The following RGS6 variants were observed in gnomAD, a reference collection of about 807,000 sequenced individuals.
The protein encoded by RGS6 is regulator of G-protein signaling 6.
In RGS6, 30 loss-of-function variants were observed where a neutral mutation model predicts 78.5. That is an observed-to-expected ratio of 0.38 (90% CI 0.29 to 0.52). The LOEUF is 0.52. Among genes scored for constraint, RGS6 ranks in the 20% least tolerant of loss-of-function variants. RGS6 has a pLI of 0.85. For synonymous variants in RGS6, 206 were observed against 206.0 expected (o/e 1.00, Z 0.00); for missense variants, 495 against 609.7 (o/e 0.81, Z 1.98).
downstream of RGS6, among the ~76,000 whole-genome samples, chr14:72,567,648 G>A (rs1371627592): frequency 6.6e-6 from 1 of 152,180 alleles, no homozygotes; most frequent in Non-Finnish European, 1.5e-5. Context: ...TTTGCTGCCA[G>A]CCTCCAATTG....
intron 2 of RGS6, among the ~76,000 whole-genome samples, chr14:72,153,582 T>C (rs1339681023): frequency 6.6e-6 from 1 of 152,078 alleles, no homozygotes; most frequent in Non-Finnish European, 1.5e-5. Flanking sequence ...GGCTGAGAAA[T>C]AAAGAGAAAG....
chr14:72,541,431 G>A (rs565020308), intron 17 of RGS6: 45 of 1,527,500 alleles, frequency 2.9e-5, no homozygotes, highest in African/African-American at 2.7e-4. Flanking sequence ...TCCCTTCCTC[G>A]GTCTTCCCTC....
chr14:72,028,595 C>T (rs1458792414), intron 2 of RGS6, among the ~76,000 whole-genome samples: 1 of 152,208 alleles, frequency 6.6e-6, no homozygotes, highest in Non-Finnish European at 1.5e-5. Flanking sequence ...GACAGGCATC[C>T]TTCTGGAACA....
intron 2 of RGS6, among the ~76,000 whole-genome samples, chr14:72,026,755 A>G (rs563583565): frequency 5.9e-5 from 9 of 152,348 alleles, no homozygotes; most frequent in Non-Finnish European, 1.0e-4. Context: ...GTGATGAGCA[A>G]TGTATTCAGC....
intron 17 of RGS6, among the ~76,000 whole-genome samples, chr14:72,550,835 GT>G (rs1351544408): frequency 6.6e-6 from 1 of 151,914 alleles, no homozygotes; most frequent in Non-Finnish European, 1.5e-5. Context: ...TTTTGGTTTG[GT>G]TTTTGGGGGG....
intron 3 of RGS6, among the ~76,000 whole-genome samples, chr14:72,440,731 GAT>G (rs2095162616): frequency 6.6e-6 from 1 of 152,086 alleles, no homozygotes; most frequent in South Asian, 2.1e-4. Flanking sequence ...TTATTACTTA[GAT>G]TTCTAGCAGA....
intron 3 of RGS6, among the ~76,000 whole-genome samples, chr14:72,354,342 G>C (rs112010430): frequency 2.7e-3 from 417 of 151,920 alleles, no homozygotes; most frequent in African/African-American, 9.4e-3. Context: ...AGCTAGATAG[G>C]GGGCCGGGTG....
chr14:72,259,778 G>A (rs1473086473), intron 2 of RGS6, among the ~76,000 whole-genome samples: 1 of 151,970 alleles, frequency 6.6e-6, no homozygotes, highest in African/African-American at 2.4e-5. Flanking sequence ...AGGCGCGGTG[G>A]CAGGCGCCTG....
intron 2 of RGS6, among the ~76,000 whole-genome samples, chr14:72,273,287 A>G (rs963033542): frequency 6.6e-6 from 1 of 152,182 alleles, no homozygotes; most frequent in Non-Finnish European, 1.5e-5. Flanking sequence ...ACTTATATGT[A>G]TGTGGGTCAT....
intron 3 of RGS6, among the ~76,000 whole-genome samples, chr14:72,440,086 T>C (rs1166437458): frequency 6.6e-6 from 1 of 152,206 alleles, no homozygotes; most frequent in Non-Finnish European, 1.5e-5. Flanking sequence ...TTTCTACAAA[T>C]GTGTCTATTT....
chr14:71,968,717 G>A (rs1298031068), intron 2 of RGS6, among the ~76,000 whole-genome samples: 1 of 152,168 alleles, frequency 6.6e-6, no homozygotes, highest in Non-Finnish European at 1.5e-5. Flanking sequence ...CACATTGTTG[G>A]AGCTGAGTAG....
chr14:72,056,761 C>T (rs1176167364), intron 2 of RGS6, among the ~76,000 whole-genome samples: 4 of 152,114 alleles, frequency 2.6e-5, no homozygotes, highest in Non-Finnish European at 5.9e-5. Flanking sequence ...TCATATTGTA[C>T]TGTATCTGCA....
chr14:72,629,650 T>C, the RGS6 span: 2 of 1,536,064 alleles, frequency 1.3e-6, no homozygotes, highest in Non-Finnish European at 1.7e-6. Context: ...CCACAGAGGA[T>C]ACAGGATTTG....
intron 2 of RGS6, among the ~76,000 whole-genome samples, chr14:72,053,596 C>T (rs559420968): frequency 2.0e-4 from 30 of 152,118 alleles, no homozygotes; most frequent in Non-Finnish European, 2.5e-4. Context: ...TGGGGGCTCC[C>T]CAAAGTTTGA....
In RGS6 at chr14:72,403,657, C is replaced by T. The variant is rs149386367; in HGVS notation, c.185-50871C>T. Reference sequence around the variant, plus strand: ...TTGAGGTGATGGATGTGTTAATTACCGTGATTTATCATTACACATTGTATC... The same window carrying T: ...TTGAGGTGATGGATGTGTTAATTACTGTGATTTATCATTACACATTGTATC... On this transcript the variant is annotated intron_variant, in intron 3 of 17. Transcript: ENST00000553525. 4.6e-3 allele frequency among the ~76,000 whole-genome samples: 695 copies of T among 152,160 alleles called. 4 individuals carry two copies. Among genetic ancestry groups the T allele is most frequent in the Non-Finnish European group, 8.6e-3 (586 of 68,006 alleles).
intron 2 of RGS6, among the ~76,000 whole-genome samples, chr14:71,982,708 G>A (rs2094523195): frequency 6.6e-6 from 1 of 152,234 alleles, no homozygotes; most frequent in Admixed American, 6.5e-5. Context: ...CTCTTGAGAA[G>A]AACAAGCAGC....
In RGS6 at chr14:72,454,567, T is replaced by C. The variant is rs2056963252; in HGVS notation, c.224T>C (p.Ile75Thr). ...CAGTGGCTTATGAAGAACCTTTCCA[T>C]TGAGGACCCAGGTACTTGACCTTTG... is the stretch of plus-strand genomic sequence containing the variant. ...IVQWLMKNLSIEDPVEAIHLG... is the reference protein window; with the variant it reads ...IVQWLMKNLSTEDPVEAIHLG... The change falls in exon 4 of 18, where the codon ATT becomes ACT. Residue 75 changes from isoleucine (I) to threonine (T), a missense_variant. Physicochemically the swap from Ile to Thr is moderately conservative, Grantham distance 89. Transcript: ENST00000553525. 6.2e-7 allele frequency: 1 copy of C among 1,614,058 alleles called. No homozygotes were observed. The highest frequency in any genetic ancestry group is 8.5e-7 in the Non-Finnish European group (1 of 1,179,952).
At chr14:72,385,366 G>A (rs2087628222) in intron 3 of RGS6, among the ~76,000 whole-genome samples, 1 of 152,118 alleles carries the variant, frequency 6.6e-6, no homozygotes, top group Non-Finnish European at 1.5e-5. Flanking sequence ...AGTTTTTCAA[G>A]ACTGCTGATG....
intron 3 of RGS6, among the ~76,000 whole-genome samples, chr14:72,384,730 C>T (rs571099810): frequency 6.6e-6 from 1 of 151,828 alleles, no homozygotes; most frequent in South Asian, 2.1e-4. Flanking sequence ...TGAGGGGACA[C>T]GGTTTGCATA....
Sources: allele counts gnomAD v4.1 joint callset (sites outside exome capture counted in the v4.1 genomes callset), GRCh38; gene constraint gnomAD v4.1.1; transcripts MANE v1.5; gene names NCBI Gene and HGNC (gene_info 2026-07-23, HGNC 2026-07-21).